The following ELMO1 variants were observed in gnomAD, a reference collection of about 807,000 sequenced individuals.
ELMO1 encodes engulfment and cell motility protein 1.
ELMO1 carries 26 observed loss-of-function variants against 98.9 expected under a neutral mutation model. The observed-to-expected ratio is 0.26, with a 90% CI of 0.19 to 0.36. The LOEUF (loss-of-function observed/expected upper bound fraction) is 0.36, where lower values mean the gene tolerates loss of function less well. Ranked by LOEUF, ELMO1 falls within the 10% of genes least tolerant of loss-of-function variation. ELMO1 has a pLI of 1.00. For missense variants in ELMO1, 627 were observed against 935.2 expected (o/e 0.67, Z 4.30); for synonymous variants, 346 against 346.0 (o/e 1.00, Z 0.00).
chr7:37,388,360 TG>T (rs1401412473), intron 1 of ELMO1, among the ~76,000 whole-genome samples: 1 of 151,876 alleles, frequency 6.6e-6, no homozygotes, highest in Non-Finnish European at 1.5e-5. Flanking sequence ...TGCATTTTTT[TG>T]TACAGTGTTG....
chr7:37,036,255 C>A (rs1255481340), intron 15 of ELMO1, among the ~76,000 whole-genome samples: 1 of 151,960 alleles, frequency 6.6e-6, no homozygotes, highest in Non-Finnish European at 1.5e-5. Flanking sequence ...CAATTCAAAC[C>A]CATGTTGCTC....
At chr7:37,319,070 G>A (rs1043297921) in intron 2 of ELMO1, among the ~76,000 whole-genome samples, 2 of 152,004 alleles carry the variant, frequency 1.3e-5, no homozygotes, top group East Asian at 3.8e-4. Context: ...AGTTCCTCAT[G>A]GATCTCATTC....
At chr7:37,394,663 A>G (rs182369483) in intron 1 of ELMO1, among the ~76,000 whole-genome samples, 94 of 152,250 alleles carry the variant, frequency 6.2e-4, no homozygotes, top group Middle Eastern at 3.4e-3. Flanking sequence ...GGAAACAGAG[A>G]CCAGATTCCA....
intron 13 of ELMO1, among the ~76,000 whole-genome samples, chr7:37,207,909 A>AGCC (rs1474827743): frequency 6.6e-6 from 1 of 152,192 alleles, no homozygotes; most frequent in East Asian, 1.9e-4. Context: ...GTTATGACTA[A>AGCC]ACTTACAAGC....
chr7:37,423,475 G>C (rs559226514), intron 1 of ELMO1, among the ~76,000 whole-genome samples: 1 of 152,312 alleles, frequency 6.6e-6, no homozygotes, highest in African/African-American at 2.4e-5. Context: ...AGCTATTCGG[G>C]AGGCTGAGGC....
At position 37,330,558 on chromosome 7, in the gene ELMO1, C is replaced by T. The variant is rs191380229; in HGVS notation, c.78+12055G>A. Among the ~76,000 whole-genome samples, 497 of 152,310 alleles carry T rather than the reference C, an allele frequency of 3.3e-3. 2 individuals are homozygous for T. Among genetic ancestry groups the T allele is most frequent in the African/African-American group, 0.011 (472 of 41,572 alleles). On this transcript the variant is annotated intron_variant, in intron 2 of 21. Coordinates refer to ENST00000310758, the MANE Select transcript of ELMO1 (RefSeq NM_014800.11). ...CTCAGATAGTACTGAACCTGACTGC[C>T]ATCAATCAGAATATGTTTCTCTTCA...
At chr7:36,990,317 T>G (rs1197170842) in intron 16 of ELMO1, among the ~76,000 whole-genome samples, 1 of 152,178 alleles carries the variant, frequency 6.6e-6, no homozygotes, top group Non-Finnish European at 1.5e-5. Context: ...AGCATCATAT[T>G]TGGATGACTG....
At position 37,015,706 on chromosome 7, in the gene ELMO1, A is replaced by G. The variant is rs187440615; in HGVS notation, c.1301-2271T>C. Among the ~76,000 whole-genome samples, 6 of 152,356 alleles carry G rather than the reference A, an allele frequency of 3.9e-5. No homozygotes were observed. In the East Asian group the frequency reaches 1.2e-3, roughly 29 times the overall value. On this transcript the variant is annotated intron_variant, in intron 15 of 21. Transcript: ENST00000310758. ...GCCAACTGAGGGCAAAGTGCTTTGG[A>G]CAGGATACAAGTTAACACCGATATG... is the stretch of plus-strand genomic sequence containing the variant.
chr7:36,934,950 G>A lies in ELMO1; in HGVS notation c.1438-39933C>T, dbSNP rs552007881. 1.8e-4 allele frequency among the ~76,000 whole-genome samples: 27 copies of A among 152,266 alleles called. No homozygotes were observed. The South Asian group carries it at 5.4e-3, about 30-fold the overall frequency. ...AATTTTTCTTCCATCTGGGAGATTT[G>A]CTATTACTGTGAACAATATTATCAG... is the stretch of plus-strand genomic sequence containing the variant. On this transcript the variant is annotated intron_variant, in intron 16 of 21. Coordinates refer to ENST00000310758, the MANE Select transcript of ELMO1 (RefSeq NM_014800.11).
chr7:37,239,696 G>C (rs201083384), intron 7 of ELMO1, among the ~76,000 whole-genome samples: 1 of 148,760 alleles, frequency 6.7e-6, no homozygotes, highest in Admixed American at 7.0e-5. Flanking sequence ...CGAAGGGAAG[G>C]GGAAGAAGCA....
chr7:37,425,942 T>C (rs141715152), intron 1 of ELMO1, among the ~76,000 whole-genome samples: 2 of 152,250 alleles, frequency 1.3e-5, no homozygotes, highest in Non-Finnish European at 1.5e-5. Context: ...CTCTGGACCC[T>C]CATGCCTAGC....
chr7:37,221,596 T>C (rs1053863448), intron 10 of ELMO1, among the ~76,000 whole-genome samples: 4 of 152,204 alleles, frequency 2.6e-5, no homozygotes, highest in African/African-American at 9.7e-5. Context: ...ATCCCCTCTG[T>C]AATGCTCCTT....
chr7:36,861,815 A>G (rs1584264063), intron 20 of ELMO1, 79 bp from the exon 21 acceptor site: 1 of 1,383,626 alleles, frequency 7.2e-7, no homozygotes. Context: ...CTGCACATTG[A>G]CCATGGCATA....
chr7:37,375,132 G>C (rs1172602161), intron 1 of ELMO1, among the ~76,000 whole-genome samples: 1 of 152,156 alleles, frequency 6.6e-6, no homozygotes, highest in Non-Finnish European at 1.5e-5. Context: ...CCATCTTCCT[G>C]ATTCCTCTAG....
intron 1 of ELMO1, among the ~76,000 whole-genome samples, chr7:37,438,320 G>A (rs1339543205): frequency 6.6e-6 from 1 of 151,956 alleles, no homozygotes; most frequent in Non-Finnish European, 1.5e-5. Flanking sequence ...GGGCGCGGTG[G>A]CTCATGCCTG....
intron 1 of ELMO1, among the ~76,000 whole-genome samples, chr7:37,362,010 G>A (rs1328165408): frequency 1.3e-5 from 2 of 152,148 alleles, no homozygotes; most frequent in African/African-American, 2.4e-5. Flanking sequence ...TGGAAGCAGA[G>A]TCTGCAAGGG....
intron 17 of ELMO1, among the ~76,000 whole-genome samples, chr7:36,888,257 G>GT (rs761886501): frequency 2.0e-3 from 305 of 152,228 alleles, no homozygotes; most frequent in Non-Finnish European, 3.2e-3. Context: ...AAGATTATTT[G>GT]TATCTTGTCT....
At chr7:37,139,978 A>G (rs888424168) in intron 13 of ELMO1, among the ~76,000 whole-genome samples, 2 of 152,214 alleles carry the variant, frequency 1.3e-5, no homozygotes, top group African/African-American at 4.8e-5. Flanking sequence ...AGGACACCCT[A>G]TTCAACAAAT....
At chr7:37,009,149 C>T (rs563422872) in intron 16 of ELMO1, among the ~76,000 whole-genome samples, 3 of 152,130 alleles carry the variant, frequency 2.0e-5, no homozygotes, top group Admixed American at 6.5e-5. Flanking sequence ...TGTCCCCTTT[C>T]TTATCCCGCT....
Sources: gnomAD v4.1 joint callset for allele counts (sites outside exome capture counted in the v4.1 genomes callset) on GRCh38, gnomAD v4.1.1 for gene constraint, MANE v1.5 for transcripts, NCBI Gene and HGNC (gene_info 2026-07-23, HGNC 2026-07-21) for gene names.